PHF24: variants seen among roughly 807,000 people sequenced by gnomAD.
The protein encoded by PHF24 is Galpha inhibitory interacting protein.
PHF24 carries 25 observed loss-of-function variants against 42.6 expected under a neutral mutation model. The observed-to-expected ratio is 0.59, with a 90% confidence interval of 0.43 to 0.82. The LOEUF (loss-of-function observed/expected upper bound fraction) is 0.82, where lower values mean the gene tolerates loss of function less well. Among genes scored for constraint, PHF24 ranks in the 40% least tolerant of loss-of-function variants. The pLI, the probability that PHF24 is intolerant of heterozygous loss-of-function variation, is 0.00. For synonymous variants in PHF24, 185 were observed against 204.8 expected, an observed-to-expected ratio of 0.90 and a Z score of 0.83; for missense variants, 470 against 538.1, an observed-to-expected ratio of 0.87 and a Z score of 1.25.
chr9:34,904,538 A>G, the PHF24 span, among the ~76,000 whole-genome samples: 2 of 151,762 alleles, frequency 1.3e-5, no homozygotes, highest in African/African-American at 2.4e-5. Flanking sequence ...ATTGACTTGC[A>G]TATGTTAAAC....
chr9:34,725,077 G>T, the PHF24 span: 1 of 1,551,736 alleles, frequency 6.4e-7, no homozygotes, highest in Non-Finnish European at 8.7e-7. Context: ...GCAGTTCCAG[G>T]AACTGGCTTT....
chr9:34,697,958 G>A, the PHF24 span, among the ~76,000 whole-genome samples: 6 of 152,270 alleles, frequency 3.9e-5, no homozygotes, highest in African/African-American at 1.4e-4. Flanking sequence ...GAGTGATAAG[G>A]TGAGTGAAAT....
chr9:34,939,765 G>A, the PHF24 span, among the ~76,000 whole-genome samples: 3 of 152,198 alleles, frequency 2.0e-5, no homozygotes, highest in Admixed American at 6.5e-5. Flanking sequence ...AGGGGACTGA[G>A]GAGCAGCTCC....
the PHF24 span, among the ~76,000 whole-genome samples, chr9:34,722,719 C>G: frequency 6.6e-6 from 1 of 152,158 alleles, no homozygotes; most frequent in South Asian, 2.1e-4. Context: ...CCTCATAGCC[C>G]CATTAAAATG....
At chr9:34,693,491 C>T in the PHF24 span, among the ~76,000 whole-genome samples, 1 of 152,144 alleles carries the variant, frequency 6.6e-6, no homozygotes, top group East Asian at 1.9e-4. Context: ...GTTAGAAACA[C>T]GAATTCTTAG....
chr9:34,929,739 G>A, the PHF24 span, among the ~76,000 whole-genome samples: 2 of 152,190 alleles, frequency 1.3e-5, no homozygotes, highest in Non-Finnish European at 2.9e-5. Context: ...ACATACTGCC[G>A]TGGGAGAATT....
the PHF24 span, among the ~76,000 whole-genome samples, chr9:34,912,693 C>T: frequency 6.6e-6 from 1 of 152,180 alleles, no homozygotes; most frequent in South Asian, 2.1e-4. Flanking sequence ...CAGAACTTTC[C>T]ATCCAAACCT....
chr9:34,854,675 T>C, the PHF24 span, among the ~76,000 whole-genome samples: 2 of 152,218 alleles, frequency 1.3e-5, no homozygotes, highest in Non-Finnish European at 2.9e-5. Context: ...TTGCATTTGC[T>C]GAGAAGTATT....
chr9:34,723,591 AT>A, the PHF24 span: 1 of 1,551,732 alleles, frequency 6.4e-7, no homozygotes, highest in Non-Finnish European at 8.7e-7. Flanking sequence ...TGCAGAAAAC[AT>A]TTAATTTTAT....
the PHF24 span, chr9:34,833,092 G>A: frequency 2.6e-6 from 4 of 1,551,366 alleles, no homozygotes; most frequent in East Asian, 4.9e-5. Context: ...CTCTGGTTGA[G>A]GAGCGCCCAA....
the PHF24 span, chr9:34,917,408 T>C: frequency 1.3e-6 from 1 of 769,300 alleles, no homozygotes; most frequent in Non-Finnish European, 2.4e-6. Context: ...CAGTGACATG[T>C]ATCTCGTTCC....
At chr9:34,808,737 G>C in the PHF24 span, among the ~76,000 whole-genome samples, 3 of 151,942 alleles carry the variant, frequency 2.0e-5, no homozygotes, top group African/African-American at 7.3e-5. Flanking sequence ...ACTGACTCCT[G>C]AAAGCCCTTT....
At chr9:34,742,751 CAG>C in the PHF24 span, among the ~76,000 whole-genome samples, 2 of 151,108 alleles carry the variant, frequency 1.3e-5, no homozygotes, top group African/African-American at 2.4e-5. Context: ...TTTTTTTAAA[CAG>C]GGTGAAAAAT....
chr9:34,955,116 C>T (rs559823886), upstream of PHF24, among the ~76,000 whole-genome samples: 2 of 152,202 alleles, frequency 1.3e-5, no homozygotes, highest in Non-Finnish European at 2.9e-5. Context: ...TCAAGTGACC[C>T]TCTCACCTCG....
At chr9:34,686,686 A>G in the PHF24 span, among the ~76,000 whole-genome samples, 3 of 152,144 alleles carry the variant, frequency 2.0e-5, no homozygotes, top group Non-Finnish European at 2.9e-5. Flanking sequence ...GATGGGAGGT[A>G]TCACCCAGCT....
At chr9:34,908,842 C>CTTTTTTTTT in the PHF24 span, among the ~76,000 whole-genome samples, 28 of 135,334 alleles carry the variant, frequency 2.1e-4, no homozygotes, top group African/African-American at 3.3e-4. Flanking sequence ...CTTTTCTTTT[C>CTTTTTTTTT]TTTTTTTTTT....
the PHF24 span, among the ~76,000 whole-genome samples, chr9:34,840,158 A>T: frequency 6.6e-6 from 1 of 152,104 alleles, no homozygotes; most frequent in Non-Finnish European, 1.5e-5. Flanking sequence ...TTAATCACTT[A>T]GATTAATTGA....
At chr9:34,931,561 A>G in the PHF24 span, among the ~76,000 whole-genome samples, 1 of 152,024 alleles carries the variant, frequency 6.6e-6, no homozygotes, top group Non-Finnish European at 1.5e-5. Flanking sequence ...CTGTACTCCA[A>G]AAACTATTGA....
At chr9:34,772,299 A>G in the PHF24 span, among the ~76,000 whole-genome samples, 14 of 152,220 alleles carry the variant, frequency 9.2e-5, no homozygotes, top group Non-Finnish European at 1.9e-4. Flanking sequence ...CAATATTTAG[A>G]CTTAATAATT....
Sources: allele counts gnomAD v4.1 joint callset (sites outside exome capture counted in the v4.1 genomes callset), GRCh38; gene constraint gnomAD v4.1.1; transcripts MANE v1.5; gene names NCBI Gene and HGNC (gene_info 2026-07-23, HGNC 2026-07-21).